TRAPPC12: variants seen among roughly 807,000 people sequenced by gnomAD.
The protein encoded by TRAPPC12 is TPR repeat protein 15.
TRAPPC12 carries 61 observed loss-of-function variants against 69.2 expected under a neutral mutation model. That is an observed-to-expected ratio of 0.88 (90% CI 0.72 to 1.09). TRAPPC12 has a LOEUF of 1.09. Among genes scored for constraint, TRAPPC12 ranks in the 50% least tolerant of loss-of-function variants. TRAPPC12 has a pLI of 0.00. For missense variants in TRAPPC12, 1,101 were observed against 1,016.4 expected (o/e 1.08, Z -1.13); for synonymous variants, 469 against 438.9 (o/e 1.07, Z -0.86).
chr2:3,461,808 G>C (rs1030307167), intron 8 of TRAPPC12, among the ~76,000 whole-genome samples: 5 of 151,390 alleles, frequency 3.3e-5, no homozygotes, highest in African/African-American at 1.2e-4. Context: ...TGAAAAGTAG[G>C]CCCTCCTGCT....
chr2:3,478,797 G>A, intron 10 of TRAPPC12, 49 bp from the exon 11 acceptor site: 1 of 1,545,886 alleles, frequency 6.5e-7, no homozygotes, highest in Non-Finnish European at 8.9e-7. Flanking sequence ...TTGGGGGACA[G>A]CAGCTCCTGG....
At position 3,394,439 on chromosome 2, in the gene TRAPPC12, G is replaced by A. The variant is rs62120474; in HGVS notation, c.1047+5769G>A. On this transcript the variant is annotated intron_variant, in intron 2 of 11. Coordinates refer to ENST00000324266, the MANE Select transcript of TRAPPC12 (RefSeq NM_016030.6). ...AGATCGAGACCACCCTGGCTAACAC[G>A]GTGAAACCCCATCTCTACTAAAAAT... Among the ~76,000 whole-genome samples, 801 of 152,166 alleles carry A rather than the reference G, an allele frequency of 5.3e-3. 2 individuals carry two copies. The highest frequency in any genetic ancestry group is 9.4e-3 in the Non-Finnish European group (637 of 67,994).
chr2:3,389,897 G>T, intron 2 of TRAPPC12: 2 of 426,174 alleles, frequency 4.7e-6, no homozygotes, highest in Admixed American at 2.5e-5. Context: ...TGGCTCAGGG[G>T]CTTTTTTGGG....
At chr2:3,447,318 A>G (rs1664564127) in intron 6 of TRAPPC12, among the ~76,000 whole-genome samples, 1 of 152,168 alleles carries the variant, frequency 6.6e-6, no homozygotes, top group Non-Finnish European at 1.5e-5. Flanking sequence ...GGCTAGCCTC[A>G]AACTCCTGAC....
In TRAPPC12 at chr2:3,388,211, G is replaced by A. The variant is rs758549501; in HGVS notation, c.588G>A (p.Pro196=). The A allele has an allele frequency of 3.1e-6, 5 of 1,608,770 alleles. No homozygotes were observed. The highest frequency in any genetic ancestry group is 1.3e-5 in the African/African-American group (1 of 74,178). Reference sequence around the variant, plus strand: ...CCAGCGAGGCCTCGGCCAGGACACCGCCCCAGGTCGTGCAGCCCAGCCCCA... The same window carrying A: ...CCAGCGAGGCCTCGGCCAGGACACCACCCCAGGTCGTGCAGCCCAGCCCCA... ...GGASEASART[P]PQVVQPSPSL... is the part of the protein sequence containing the mutation. Residue 196 remains proline, a synonymous_variant, in exon 2 of 12, where the codon CCG becomes CCA. Transcript: ENST00000324266.
intron 6 of TRAPPC12, among the ~76,000 whole-genome samples, chr2:3,451,387 C>A (rs796639663): frequency 1.1e-4 from 17 of 152,354 alleles, no homozygotes; most frequent in African/African-American, 3.8e-4. Context: ...AGCCTTACAG[C>A]TGTTCCATCT....
chr2:3,432,940 G>A (rs1286048925), intron 5 of TRAPPC12, among the ~76,000 whole-genome samples: 1 of 152,186 alleles, frequency 6.6e-6, no homozygotes, highest in African/African-American at 2.4e-5. Flanking sequence ...CCAAGCCTCA[G>A]TTTGTCTTCA....
Position 3,461,975 on chromosome 2 carries a change from C to T in TRAPPC12, c.1677+1639C>T, listed in dbSNP as rs114964851. On this transcript the variant is annotated intron_variant, in intron 8 of 11. Transcript: ENST00000324266. Reference sequence around the variant, plus strand: ...CCCCCACCTGGCGGTCTGGGCGGTCCGCAGTAGGCCTCCACCTGCTGAGGG... The same window carrying T: ...CCCCCACCTGGCGGTCTGGGCGGTCTGCAGTAGGCCTCCACCTGCTGAGGG... 5.5e-3 allele frequency among the ~76,000 whole-genome samples: 833 copies of T among 152,364 alleles called. 6 individuals carry two copies. Among genetic ancestry groups the T allele is most frequent in the African/African-American group, 0.019 (785 of 41,592 alleles).
At chr2:3,410,757 C>T (rs911921817) in intron 3 of TRAPPC12, among the ~76,000 whole-genome samples, 6 of 152,170 alleles carry the variant, frequency 3.9e-5, no homozygotes, top group Non-Finnish European at 8.8e-5. Flanking sequence ...GAGGGCCAGG[C>T]GTGGTGGCTC....
chr2:3,479,239 G>A lies in TRAPPC12; in HGVS notation c.1986G>A (p.Val662=). The A allele has an allele frequency of 6.2e-7, 1 of 1,613,934 alleles. No homozygotes were observed. The highest frequency in any genetic ancestry group is 8.5e-7 in the Non-Finnish European group (1 of 1,179,838). ...RNAVANNNAA[V]CLLYLGKLKD... is the part of the protein sequence containing the mutation. ...CCTAGGCCAACAACAACGCTGCCGT[G>A]TGTCTGCTCTACCTGGGCAAGCTCA... The change falls in exon 12 of 12, where the codon GTG becomes GTA. Residue 662 remains valine (V), a synonymous_variant. Transcript: ENST00000324266.
At chr2:3,411,275 C>A (rs112655082) in intron 3 of TRAPPC12, among the ~76,000 whole-genome samples, 4,913 of 152,214 alleles carry the variant, frequency 0.032, 250 homozygotes, top group African/African-American at 0.11. Flanking sequence ...AAGCACTGTT[C>A]TAGGTACAGA....
At chr2:3,456,903 A>G (rs1160558398) in intron 6 of TRAPPC12, 1 of 335,276 alleles carries the variant, frequency 3.0e-6, no homozygotes. Flanking sequence ...TACAGGCTTG[A>G]TGCTTTTCTT....
intron 6 of TRAPPC12, among the ~76,000 whole-genome samples, chr2:3,444,230 C>T (rs1030911546): frequency 6.6e-6 from 1 of 152,244 alleles, no homozygotes; most frequent in African/African-American, 2.4e-5. Context: ...CCCACAAGTG[C>T]CCACACGCAC....
At chr2:3,385,495 T>A (rs1433071721) in intron 1 of TRAPPC12, among the ~76,000 whole-genome samples, 1 of 152,218 alleles carries the variant, frequency 6.6e-6, no homozygotes, top group Admixed American at 6.5e-5. Context: ...TGGTGGTTTT[T>A]CTAGGCGATG....
intron 5 of TRAPPC12, among the ~76,000 whole-genome samples, chr2:3,434,981 C>T (rs1278157096): frequency 1.3e-5 from 2 of 152,190 alleles, no homozygotes; most frequent in South Asian, 2.1e-4. Context: ...TCTGTGGCAA[C>T]GAGGATGCCC....
At chr2:3,465,406 G>A (rs768101898) in intron 8 of TRAPPC12, among the ~76,000 whole-genome samples, 191 bp from the exon 9 acceptor site, 9 of 152,162 alleles carry the variant, frequency 5.9e-5, no homozygotes, top group Admixed American at 3.3e-4. Context: ...ATCCCGGCCC[G>A]ACTGCAGTCG....
intron 9 of TRAPPC12, chr2:3,466,367 C>G: frequency 2.1e-6 from 1 of 471,256 alleles, no homozygotes; most frequent in Non-Finnish European, 4.4e-6. Context: ...AGAAGCAGCA[C>G]AGACCTTCCA....
intron 8 of TRAPPC12, among the ~76,000 whole-genome samples, chr2:3,464,369 G>GTT (rs113578330): frequency 2.0e-5 from 3 of 151,976 alleles, no homozygotes; most frequent in South Asian, 4.2e-4. Flanking sequence ...GTCGTTTTGG[G>GTT]TTTTTTTTGT....
In TRAPPC12 at chr2:3,390,039, A is replaced by G. The variant is rs183301278; in HGVS notation, c.1047+1369A>G. 8.7e-4 allele frequency among the ~76,000 whole-genome samples: 133 copies of G among 152,298 alleles called. 1 individual carries two copies. Among genetic ancestry groups the G allele is most frequent in the African/African-American group, 3.1e-3 (129 of 41,560 alleles). On this transcript the variant is annotated intron_variant, in intron 2 of 11. Transcript: ENST00000324266. ...GGGTAGGTATATGTAAAATAGGTGAAGAGGGGTAATCAATCAGAGGAAAGT... is the reference window on the plus strand; with the variant it reads ...GGGTAGGTATATGTAAAATAGGTGAGGAGGGGTAATCAATCAGAGGAAAGT...
Sources: allele counts gnomAD v4.1 joint callset (sites outside exome capture counted in the v4.1 genomes callset), GRCh38; gene constraint gnomAD v4.1.1; transcripts MANE v1.5; gene names NCBI Gene and HGNC (gene_info 2026-07-23, HGNC 2026-07-21).